PTPN14: variants seen among roughly 807,000 people sequenced by gnomAD.
PTPN14 encodes protein tyrosine phosphatase non-receptor type 14, also known as tyrosine-protein phosphatase non-receptor type 14.
In PTPN14, 53 loss-of-function variants were observed where a neutral mutation model predicts 126.8. That is an observed-to-expected ratio of 0.42 (90% CI 0.34 to 0.53). The LOEUF (loss-of-function observed/expected upper bound fraction) is 0.53, where lower values mean the gene tolerates loss of function less well. Ranked by LOEUF, PTPN14 falls within the 20% of genes least tolerant of loss-of-function variation. The pLI is 0.08. For missense variants in PTPN14, 1,257 were observed against 1,552.9 expected (o/e 0.81, Z 3.20); for synonymous variants, 630 against 599.3 (o/e 1.05, Z -0.75).
chr1:214,549,320 T>C (rs1049760979), intron 1 of PTPN14, among the ~76,000 whole-genome samples: 7 of 152,230 alleles, frequency 4.6e-5, no homozygotes, highest in Admixed American at 6.5e-5. Context: ...CCTGGGCCAT[T>C]AGTCTACAAA....
chr1:214,501,901 T>C (rs980546101), intron 1 of PTPN14, among the ~76,000 whole-genome samples: 1 of 151,358 alleles, frequency 6.6e-6, no homozygotes, highest in Non-Finnish European at 1.5e-5. Flanking sequence ...CTATAAAAAA[T>C]ACAAAAAATT....
In PTPN14 at chr1:214,370,293, A is replaced by G. The variant is rs72757954; in HGVS notation, c.3037-602T>C. ...GAGATTCCATCTCAAAAAAAAAAAA[A>G]AAAGAAAAAAGAAACGAAGGTCTTC... On this transcript the variant is annotated intron_variant, in intron 16 of 18. Coordinates refer to ENST00000366956, the MANE Select transcript of PTPN14 (RefSeq NM_005401.5). Among the ~76,000 whole-genome samples, 1,011 of 151,938 alleles carry G rather than the reference A, an allele frequency of 6.7e-3. 7 individuals carry two copies. Among genetic ancestry groups the G allele is most frequent in the Non-Finnish European group, 9.9e-3 (672 of 67,922 alleles).
chr1:214,395,098 A>T, intron 8 of PTPN14, 112 bp from the exon 9 acceptor site: 1 of 916,820 alleles, frequency 1.1e-6, no homozygotes, highest in Non-Finnish European at 1.8e-6. Flanking sequence ...CTATGATTTA[A>T]CTATTTTTTA....
intron 18 of PTPN14, among the ~76,000 whole-genome samples, chr1:214,360,910 G>A (rs926904801): frequency 6.6e-6 from 1 of 152,160 alleles, no homozygotes; most frequent in East Asian, 1.9e-4. Flanking sequence ...CCCTCTTGCT[G>A]TTCTTGTGAC....
chr1:214,371,162 G>C (rs1032214579), intron 16 of PTPN14, among the ~76,000 whole-genome samples: 1 of 151,950 alleles, frequency 6.6e-6, no homozygotes, highest in Non-Finnish European at 1.5e-5. Context: ...TTGTCACTCC[G>C]GTCTCACCTC....
At chr1:214,436,023 G>T (rs1442179034) in intron 3 of PTPN14, among the ~76,000 whole-genome samples, 2 of 152,094 alleles carry the variant, frequency 1.3e-5, no homozygotes, top group Admixed American at 1.3e-4. Flanking sequence ...ACTGGATAAA[G>T]AAAATATGTT....
At chr1:214,439,305 T>C (rs1659987105) in intron 3 of PTPN14, among the ~76,000 whole-genome samples, 2 of 152,212 alleles carry the variant, frequency 1.3e-5, no homozygotes, top group African/African-American at 2.4e-5. Context: ...ACCTTTTTCA[T>C]GTTTTCCTTA....
chr1:214,393,865 T>A (rs898772223), intron 9 of PTPN14, 88 bp from the exon 10 acceptor site: 2 of 1,070,870 alleles, frequency 1.9e-6, no homozygotes, highest in Non-Finnish European at 2.8e-6. Flanking sequence ...GGGACACACA[T>A]CCCTTCCAAC....
At chr1:214,392,290 G>A (rs1658774374) in intron 10 of PTPN14, among the ~76,000 whole-genome samples, 1 of 152,160 alleles carries the variant, frequency 6.6e-6, no homozygotes, top group Non-Finnish European at 1.5e-5. Context: ...TGGTTAGGAA[G>A]AAGAAAGGAA....
chr1:214,488,107 A>G (rs778462083), intron 1 of PTPN14, among the ~76,000 whole-genome samples: 4 of 152,226 alleles, frequency 2.6e-5, no homozygotes, highest in Non-Finnish European at 5.9e-5. Flanking sequence ...TACACCATAC[A>G]ACACAGAAGC....
rs1294829910 is a variant in PTPN14, at chr1:214,354,676, G to A, written c.*3246C>T. The A allele has an allele frequency of 6.6e-6, 1 of 152,240 alleles. No homozygotes were observed. The highest frequency in any genetic ancestry group is 1.5e-5 in the Non-Finnish European group (1 of 68,056). 9.4% of individuals were successfully genotyped at this position (152,240 alleles called of 1,614,324 possible). A position where few individuals can be genotyped will look rare whatever the true frequency, so the allele number is the denominator to read the frequency against. ...ACCTCGGGTCAATGTATCCAAATGA[G>A]TGTGGATGAAAGAAACCAAACAGTT... On this transcript the variant is annotated 3_prime_UTR_variant, in exon 19 of 19. Transcript: ENST00000366956.
chr1:214,449,326 A>T (rs1357560789), intron 3 of PTPN14, among the ~76,000 whole-genome samples: 1 of 152,160 alleles, frequency 6.6e-6, no homozygotes, highest in African/African-American at 2.4e-5. Context: ...TTCTAAGCTT[A>T]AACAACCTTT....
intron 13 of PTPN14, among the ~76,000 whole-genome samples, chr1:214,382,063 C>T (rs530094938): frequency 6.6e-4 from 101 of 152,172 alleles, no homozygotes; most frequent in Middle Eastern, 6.8e-3. Context: ...CCACCACACA[C>T]GGCTAATTTT....
rs746082716 is a variant in PTPN14, at chr1:214,386,961, C to T, written c.988-39G>A. 3 of 1,516,962 alleles carry T rather than the reference C, an allele frequency of 2.0e-6. No homozygotes were observed. The East Asian group carries it at 7.0e-5, about 35-fold the overall frequency. 94.0% of individuals were successfully genotyped at this position (1,516,962 alleles called of 1,614,324 possible). A position where few individuals can be genotyped will look rare whatever the true frequency, so the allele number is the denominator to read the frequency against. On this transcript the variant is annotated intron_variant, in intron 11 of 18. Coordinates refer to ENST00000366956, the MANE Select transcript of PTPN14 (RefSeq NM_005401.5). ...CACAGAGGAGGTGGGGAGGCCTGGGCAGACACGGCTGGTGACTCACACAGC... is the reference window on the plus strand; with the variant it reads ...CACAGAGGAGGTGGGGAGGCCTGGGTAGACACGGCTGGTGACTCACACAGC...
intron 1 of PTPN14, among the ~76,000 whole-genome samples, chr1:214,491,034 GAAGAAAGAAAGA>G (rs201746940): frequency 8.2e-5 from 12 of 145,872 alleles, no homozygotes; most frequent in South Asian, 2.2e-4. Flanking sequence ...AGGAAGGAAG[GAAGAAAGAAAGA>G]AAGAAAGAAA....
chr1:214,380,790 T>C (rs557197820), intron 13 of PTPN14, among the ~76,000 whole-genome samples: 4 of 152,334 alleles, frequency 2.6e-5, no homozygotes, highest in African/African-American at 7.2e-5. Flanking sequence ...TGTGGGGATG[T>C]TGCTTAGGCT....
intron 3 of PTPN14, among the ~76,000 whole-genome samples, chr1:214,445,498 T>C (rs781650407): frequency 2.0e-5 from 3 of 151,728 alleles, no homozygotes; most frequent in African/African-American, 4.8e-5. Context: ...TCCTGTGCAC[T>C]GTGCAACCAT....
intron 2 of PTPN14, among the ~76,000 whole-genome samples, chr1:214,461,147 G>GTA (rs1660501546): frequency 1.3e-5 from 2 of 152,094 alleles, no homozygotes; most frequent in South Asian, 4.2e-4. Flanking sequence ...TAAAAATAAA[G>GTA]TATTAAAAAT....
chr1:214,536,428 T>A (rs984685379), intron 1 of PTPN14, among the ~76,000 whole-genome samples: 2 of 152,052 alleles, frequency 1.3e-5, no homozygotes, highest in East Asian at 1.9e-4. Context: ...ATTAGTTTTT[T>A]AAAAAATATT....
Sources: gnomAD v4.1 joint callset for allele counts (sites outside exome capture counted in the v4.1 genomes callset) on GRCh38, gnomAD v4.1.1 for gene constraint, MANE v1.5 for transcripts, NCBI Gene and HGNC (gene_info 2026-07-23, HGNC 2026-07-21) for gene names.